CBFA2T3: variants seen among roughly 807,000 people sequenced by gnomAD.
CBFA2T3 encodes transcriptional corepressor CBFA2T3.
A neutral mutation model predicts 58.6 loss-of-function variants in CBFA2T3; 31 were observed. That is an observed-to-expected ratio of 0.53 (90% CI 0.40 to 0.71). The LOEUF is 0.71. CBFA2T3 is among the 30% of genes least tolerant of loss of function. The pLI is 0.00. For synonymous variants in CBFA2T3, 531 were observed against 421.9 expected (o/e 1.26, Z -3.17); for missense variants, 1,076 against 963.1 (o/e 1.12, Z -1.55).
At chr16:88,880,578 C>T in intron 10 of CBFA2T3, 142 bp downstream of exon 10, 1 of 700,066 alleles carries the variant, frequency 1.4e-6, no homozygotes, top group Non-Finnish European at 2.4e-6. Context: ...TCTCCGTGAG[C>T]CACACAGCGG....
chr16:88,892,478 G>T lies in CBFA2T3; in HGVS notation c.387C>A (p.Asn129Lys), dbSNP rs774804644. ...TGGCTGTTGGTGAGTGGCTGCTGCCGTTCATCACTGCAGGAGGGAAGCGGA... is the reference window on the plus strand; with the variant it reads ...TGGCTGTTGGTGAGTGGCTGCTGCCTTTCATCACTGCAGGAGGGAAGCGGA... Reference protein sequence around the residue: ...LKWSMVCLLMNGSSHSPTAIN... With the variant: ...LKWSMVCLLMKGSSHSPTAIN... The change falls in exon 4 of 12, where the codon AAC (asparagine) becomes AAA (lysine). Residue 129 changes from asparagine (N) to lysine (K), a missense_variant. Transcript: ENST00000268679. 8 of 1,612,320 alleles carry T rather than the reference G, an allele frequency of 5.0e-6. No individual in the cohort carries two copies. Among genetic ancestry groups the T allele is most frequent in the Non-Finnish European group, 6.8e-6 (8 of 1,180,004 alleles).
chr16:88,954,202 G>T (rs896408736), intron 1 of CBFA2T3, among the ~76,000 whole-genome samples: 6 of 152,076 alleles, frequency 3.9e-5, no homozygotes, highest in African/African-American at 1.2e-4. Context: ...GCTATGAAAG[G>T]TCCCCTGACC....
rs570388344 is a variant in CBFA2T3 at position 88,944,002 on chromosome 16, G to C, written c.151+32655C>G. Among the ~76,000 whole-genome samples, 4 of 152,256 alleles carry C rather than the reference G, an allele frequency of 2.6e-5. No individual in the cohort carries two copies. In the East Asian group the frequency reaches 7.7e-4, roughly 29 times the overall value. ...CGAGGGTGTGCCCATGGAGCTCCCA[G>C]TGTGTCGCTGTCTGTAGAGGCAGGA... On this transcript the variant is annotated intron_variant, in intron 1 of 11. Coordinates refer to ENST00000268679, the MANE Select transcript of CBFA2T3 (RefSeq NM_005187.6).
chr16:88,879,073 A>G (rs1313952626), intron 11 of CBFA2T3, among the ~76,000 whole-genome samples, 197 bp downstream of exon 11: 3 of 152,216 alleles, frequency 2.0e-5, no homozygotes, highest in African/African-American at 7.2e-5. Flanking sequence ...GGGGACATCC[A>G]TAGGACGCCT....
Position 88,901,528 on chromosome 16 carries a change from G to C in CBFA2T3, c.280C>G (p.Pro94Ala), listed in dbSNP as rs377501446. The change falls in exon 2 of 12, where the codon CCC becomes GCC. Residue 94 changes from proline (P) to alanine (A), a missense_variant. Coordinates refer to ENST00000268679, the MANE Select transcript of CBFA2T3 (RefSeq NM_005187.6). Reference protein sequence around the residue: ...PPAASQGATRPPSFTPHTHRE... With the variant: ...PPAASQGATRAPSFTPHTHRE... ...CGTGTGTGTGGCGTGAAGGAGGGGG[G>C]GCGTGTGGCCCCCTGGGATGCGGCA... 6.8e-7 allele frequency: 1 copy of C among 1,476,376 alleles called. No homozygotes were observed. 91.5% of individuals were successfully genotyped at this position (1,476,376 alleles called of 1,614,324 possible).
intron 5 of CBFA2T3, among the ~76,000 whole-genome samples, chr16:88,889,137 G>A (rs1354277873): frequency 2.0e-5 from 3 of 151,650 alleles, no homozygotes; most frequent in Non-Finnish European, 4.4e-5. Flanking sequence ...GGTGGAGTCC[G>A]CAGCAAGTTA....
At position 88,953,813 on chromosome 16, in the gene CBFA2T3, G is replaced by A. The variant is rs1268466283; in HGVS notation, c.151+22844C>T. Among the ~76,000 whole-genome samples, 1 of 152,092 alleles carries A rather than the reference G, an allele frequency of 6.6e-6. No homozygotes were observed. Among genetic ancestry groups the A allele is most frequent in the East Asian group, 1.9e-4 (1 of 5,186 alleles). On this transcript the variant is annotated intron_variant, in intron 1 of 11. Coordinates refer to ENST00000268679, the MANE Select transcript of CBFA2T3 (RefSeq NM_005187.6). This position sits in a 1 kb window ranked among gnomAD's most constrained non-coding sequence, Gnocchi z 4.9. The stretch of plus-strand genomic sequence containing the variant: ...TGAATCTTAATCATATGTGTCTCTG[G>A]GTTTCCCTTAAGGGGGATGGCTCCC...
rs185280192 is a variant in CBFA2T3, at chr16:88,947,346, A to G, written c.151+29311T>C. Among the ~76,000 whole-genome samples, 590 of 152,040 alleles carry G rather than the reference A, an allele frequency of 3.9e-3. 9 individuals are homozygous for G. Among genetic ancestry groups the G allele is most frequent in the African/African-American group, 0.014 (574 of 41,456 alleles). On this transcript the variant is annotated intron_variant, in intron 1 of 11. Transcript: ENST00000268679. ...CCGTTTAAAAGACAGATACAAACAG[A>G]CTCTTCTGCAGCGCCTGAATCTCTA... is the stretch of plus-strand genomic sequence containing the variant.
At chr16:88,886,375 G>A in intron 5 of CBFA2T3, 1 of 397,816 alleles carries the variant, frequency 2.5e-6, no homozygotes, top group Non-Finnish European at 4.5e-6. Flanking sequence ...GGGCCACACG[G>A]CGATGTGGGG....
intron 1 of CBFA2T3, among the ~76,000 whole-genome samples, chr16:88,919,223 G>A (rs1322995427): frequency 2.6e-5 from 4 of 152,014 alleles, no homozygotes; most frequent in Admixed American, 6.6e-5. Context: ...AGCCAATCGG[G>A]ACAAATACAG....
intron 1 of CBFA2T3, among the ~76,000 whole-genome samples, chr16:88,911,872 G>A (rs1422028891): frequency 6.6e-6 from 1 of 151,132 alleles, no homozygotes. Flanking sequence ...GGGGCACAGT[G>A]AAGACCCCCC....
intron 1 of CBFA2T3, among the ~76,000 whole-genome samples, chr16:88,974,962 A>G (rs184745496): frequency 1.3e-5 from 2 of 152,284 alleles, no homozygotes; most frequent in Admixed American, 1.3e-4. Flanking sequence ...GTACCCTGGA[A>G]TAGGGCCGGG....
At chr16:88,920,565 G>A (rs1319536857) in intron 1 of CBFA2T3, among the ~76,000 whole-genome samples, 6 of 152,058 alleles carry the variant, frequency 3.9e-5, no homozygotes, top group Admixed American at 6.6e-5. Context: ...GATTACAGGC[G>A]GAAGCCACCA....
At position 88,879,279 on chromosome 16, in the gene CBFA2T3, G is replaced by C. The variant is rs765081006; in HGVS notation, c.1653C>G (p.Asp551Glu). ...DALTVINQQE[D>E]SSESCWNCGR... is the part of the protein sequence containing the mutation. ...GGCCGGGTGGCCCTACCTCGCTGGA[G>C]TCCTCCTGCTGGTTGATGACCGTCA... The change falls in exon 11 of 12, where the codon GAC becomes GAG. Residue 551 changes from aspartate (D) to glutamate (E), a missense_variant. Physicochemically the swap from Asp to Glu is conservative, Grantham distance 45. Coordinates refer to ENST00000268679, the MANE Select transcript of CBFA2T3 (RefSeq NM_005187.6). The C allele has an allele frequency of 3.1e-6, 5 of 1,596,202 alleles. No individual in the cohort carries two copies. Among genetic ancestry groups the C allele is most frequent in the East Asian group, 2.2e-5 (1 of 44,562 alleles).
chr16:88,962,237 GACACTCAGCACTC>G, intron 1 of CBFA2T3, among the ~76,000 whole-genome samples: 3 of 152,196 alleles, frequency 2.0e-5, no homozygotes, highest in African/African-American at 7.2e-5. Context: ...CATAGTAACT[GACACTCAGCACTC>G]GGCTTTCCCA....
At position 88,976,767 on chromosome 16, in the gene CBFA2T3, G is replaced by A; in HGVS notation, c.41C>T (p.Ala14Val). Residue 14 changes from alanine to valine, a missense_variant, in exon 1 of 12, where the codon GCC becomes GTC. By Grantham distance (64) the Ala-to-Val change is moderately conservative. Transcript: ENST00000268679. ...SRLRDRAASSASGSTCGSMSQ... is the reference protein window; with the variant it reads ...SRLRDRAASSVSGSTCGSMSQ... ...CATGGAGCCACAGGTGGATCCCGAG[G>A]CTGAACTGGCTGCCCTGTCCCTCAG... is the stretch of plus-strand genomic sequence containing the variant. 1.3e-6 allele frequency: 2 copies of A among 1,556,396 alleles called. No homozygotes were observed. Among genetic ancestry groups the A allele is most frequent in the Non-Finnish European group, 1.7e-6 (2 of 1,149,836 alleles).
chr16:88,886,084 G>A lies in CBFA2T3; in HGVS notation c.770C>T (p.Thr257Met), dbSNP rs746822548. ...LLHCARLAKQTPAQYLAQHEQ... is the reference protein window; with the variant it reads ...LLHCARLAKQMPAQYLAQHEQ... ...ATGCTGGGCCAAGTACTGGGCGGGC[G>A]TCTGCTTGGCCAGGCGTGCACAGTG... The change falls in exon 6 of 12, where the codon ACG becomes ATG. Residue 257 changes from threonine to methionine, a missense_variant. Coordinates refer to ENST00000268679, the MANE Select transcript of CBFA2T3 (RefSeq NM_005187.6). 93 of 1,591,426 alleles carry A rather than the reference G, an allele frequency of 5.8e-5. No individual in the cohort carries two copies. The highest frequency in any genetic ancestry group is 9.0e-5 in the East Asian group (4 of 44,498).
intron 1 of CBFA2T3, among the ~76,000 whole-genome samples, chr16:88,956,272 C>T (rs1473548407): frequency 6.6e-6 from 1 of 152,274 alleles, no homozygotes; most frequent in East Asian, 1.9e-4. Context: ...GGGCGAAGAC[C>T]TGCATCACGG....
chr16:88,894,226 GCA>G (rs1386099886), intron 3 of CBFA2T3, among the ~76,000 whole-genome samples: 24 of 107,860 alleles, frequency 2.2e-4, no homozygotes, highest in Middle Eastern at 5.2e-3. Flanking sequence ...ACGCACACAT[GCA>G]CACACACATG....
Sources: gnomAD v4.1 joint callset for allele counts (sites outside exome capture counted in the v4.1 genomes callset) on GRCh38, gnomAD v4.1.1 for gene constraint, Gnocchi (gnomAD v3.1) non-coding constraint, MANE v1.5 for transcripts, NCBI Gene and HGNC (gene_info 2026-07-23, HGNC 2026-07-21) for gene names.